The following RALGAPA1 variants were observed in gnomAD, a reference collection of about 807,000 sequenced individuals.
The protein encoded by RALGAPA1 is Ral GTPase activating protein catalytic subunit alpha 1, also known as ral GTPase-activating protein subunit alpha-1.
A neutral mutation model predicts 269.6 loss-of-function variants in RALGAPA1; 52 were observed. The observed-to-expected ratio is 0.19, with a 90% CI of 0.15 to 0.24. RALGAPA1 has a LOEUF of 0.24. Ranked by LOEUF, RALGAPA1 falls within the 10% of genes least tolerant of loss-of-function variation. RALGAPA1 has a pLI of 1.00. For synonymous variants in RALGAPA1, 817 were observed against 1,008.3 expected, an observed-to-expected ratio of 0.81 and a Z score of 3.60; for missense variants, 1,917 against 3,013.9, an observed-to-expected ratio of 0.64 and a Z score of 8.52.
intron 1 of RALGAPA1, among the ~76,000 whole-genome samples, chr14:35,797,046 C>T (rs1210760080): frequency 2.0e-5 from 3 of 152,150 alleles, no homozygotes; most frequent in African/African-American, 4.8e-5. Context: ...CTCAGCCTCC[C>T]GAAAGTATCT....
chr14:35,627,515 T>C lies in RALGAPA1; in HGVS notation c.6432A>G (p.Pro2144=). 1.2e-6 allele frequency: 2 copies of C among 1,601,740 alleles called. No homozygotes were observed. Among genetic ancestry groups the C allele is most frequent in the Non-Finnish European group, 1.7e-6 (2 of 1,175,662 alleles). The part of the protein sequence containing the change: ...FMLSLSHQEK[P]EEPPTSNECL... ...ATTCATTAGATGTCGGAGGCTCTTC[T>C]GGCTTCTCTTGGTGAGACAATGAAA... Residue 2144 remains proline, a synonymous_variant, in exon 34 of 42, where the codon CCA becomes CCG. Coordinates refer to ENST00000680220, the MANE Select transcript of RALGAPA1 (RefSeq NM_001346249.2).
intron 1 of RALGAPA1, among the ~76,000 whole-genome samples, chr14:35,801,438 T>C (rs1400805429): frequency 6.6e-6 from 1 of 152,100 alleles, no homozygotes; most frequent in Non-Finnish European, 1.5e-5. Context: ...CCAGCTACTT[T>C]TGTATTTTTA....
chr14:35,662,855 T>C (rs555458023), intron 27 of RALGAPA1, among the ~76,000 whole-genome samples: 16 of 151,818 alleles, frequency 1.1e-4, no homozygotes, highest in African/African-American at 2.4e-4. Flanking sequence ...TCAATTTATA[T>C]AGTTTTTTGT....
At chr14:35,778,684 T>C (rs2075226555) in intron 1 of RALGAPA1, among the ~76,000 whole-genome samples, 2 of 152,238 alleles carry the variant, frequency 1.3e-5, no homozygotes, top group African/African-American at 4.8e-5. Context: ...ATTTTTACCT[T>C]GGAAAAGACT....
intron 36 of RALGAPA1, among the ~76,000 whole-genome samples, chr14:35,596,316 A>C (rs2058928896): frequency 6.6e-6 from 1 of 152,046 alleles, no homozygotes; most frequent in South Asian, 2.1e-4. Context: ...ATTTTAAACA[A>C]TTTTTATTTT....
chr14:35,805,937 C>T (rs968473965), intron 1 of RALGAPA1, among the ~76,000 whole-genome samples: 4 of 152,094 alleles, frequency 2.6e-5, no homozygotes, highest in African/African-American at 9.7e-5. Flanking sequence ...ATCCGCCCAC[C>T]TCGGCCTCCC....
rs550402205 is a variant in RALGAPA1 at position 35,695,630 on chromosome 14, C to A, written c.2407+4532G>T. Among the ~76,000 whole-genome samples, 8 of 152,194 alleles carry A rather than the reference C, an allele frequency of 5.3e-5. No individual in the cohort carries two copies. The South Asian group carries it at 1.7e-3, about 32-fold the overall frequency. On this transcript the variant is annotated intron_variant, in intron 17 of 41. Coordinates refer to ENST00000680220, the MANE Select transcript of RALGAPA1 (RefSeq NM_001346249.2). ...GGTTGAAAGAAACTGGGTCTGTAAG[C>A]TTAATTTCAGGATGAGAAACTCATA... is the stretch of plus-strand genomic sequence containing the variant.
intron 12 of RALGAPA1, among the ~76,000 whole-genome samples, chr14:35,730,971 A>C (rs1009587735): frequency 6.6e-6 from 1 of 152,230 alleles, no homozygotes; most frequent in African/African-American, 2.4e-5. Context: ...AAGAAACCTC[A>C]CAGACTTCAT....
intron 39 of RALGAPA1, among the ~76,000 whole-genome samples, chr14:35,550,545 A>G (rs2054898800): frequency 6.6e-6 from 1 of 152,170 alleles, no homozygotes; most frequent in South Asian, 2.1e-4. Flanking sequence ...ATAATTTTAA[A>G]TAATTCAATG....
At chr14:35,749,370 A>G (rs1254573636) in intron 9 of RALGAPA1, among the ~76,000 whole-genome samples, 1 of 152,190 alleles carries the variant, frequency 6.6e-6, no homozygotes, top group Admixed American at 6.5e-5. Flanking sequence ...AAATTCTATA[A>G]TTCTAATAAT....
intron 1 of RALGAPA1, among the ~76,000 whole-genome samples, chr14:35,802,170 C>A (rs1054522845): frequency 2.0e-5 from 3 of 151,970 alleles, no homozygotes; most frequent in Admixed American, 6.6e-5. Context: ...CAGCCAGGCT[C>A]AGTGGTGTGT....
At chr14:35,568,052 A>G (rs1283095458) in intron 39 of RALGAPA1, among the ~76,000 whole-genome samples, 1 of 152,188 alleles carries the variant, frequency 6.6e-6, no homozygotes, top group East Asian at 1.9e-4. Flanking sequence ...TATGGGTAAT[A>G]ACCTGTATAT....
In RALGAPA1 at chr14:35,631,786, A is replaced by T. The variant is rs1252831260; in HGVS notation, c.5995+2788T>A. 2.0e-5 allele frequency among the ~76,000 whole-genome samples: 3 copies of T among 152,338 alleles called. No individual in the cohort carries two copies. In the East Asian group the frequency reaches 5.8e-4, roughly 29 times the overall value. ...TAAAAACTTTTACATACAAAACTGG[A>T]TATAACAGAAACAATAAAAAATCAT... On this transcript the variant is annotated intron_variant, in intron 33 of 41. Coordinates refer to ENST00000680220, the MANE Select transcript of RALGAPA1 (RefSeq NM_001346249.2).
intron 36 of RALGAPA1, among the ~76,000 whole-genome samples, chr14:35,602,473 A>G (rs2059350412): frequency 6.6e-6 from 1 of 152,204 alleles, no homozygotes; most frequent in Admixed American, 6.5e-5. Flanking sequence ...CCTAGCCAAC[A>G]GTTGTTATTA....
At chr14:35,665,227 A>G (rs1249122374) in intron 26 of RALGAPA1, among the ~76,000 whole-genome samples, 2 of 152,208 alleles carry the variant, frequency 1.3e-5, no homozygotes, top group East Asian at 3.8e-4. Context: ...TTATGATATT[A>G]TGCACATAAG....
intron 1 of RALGAPA1, among the ~76,000 whole-genome samples, chr14:35,808,477 T>C (rs1055109433): frequency 1.3e-5 from 2 of 152,240 alleles, no homozygotes; most frequent in South Asian, 2.1e-4. Context: ...TCTAAGTTTT[T>C]AGAGTAATAC....
chr14:35,579,564 C>T (rs920684316), intron 37 of RALGAPA1, among the ~76,000 whole-genome samples: 27 of 147,712 alleles, frequency 1.8e-4, no homozygotes, highest in South Asian at 8.6e-4. Flanking sequence ...AAAGAGATCG[C>T]GCCATTGCAC....
At chr14:35,604,355 T>C (rs1042691979) in intron 36 of RALGAPA1, among the ~76,000 whole-genome samples, 5 of 152,028 alleles carry the variant, frequency 3.3e-5, no homozygotes, top group African/African-American at 9.7e-5. Flanking sequence ...GGTATAGAAT[T>C]AGGTATCAAT....
At chr14:35,620,820 T>G (rs908237053) in intron 35 of RALGAPA1, among the ~76,000 whole-genome samples, 1 of 152,078 alleles carries the variant, frequency 6.6e-6, no homozygotes, top group Non-Finnish European at 1.5e-5. Flanking sequence ...TGTGAAGTTC[T>G]CGTCAAGGAG....
Sources: gnomAD v4.1 joint callset for allele counts (sites outside exome capture counted in the v4.1 genomes callset) on GRCh38, gnomAD v4.1.1 for gene constraint, MANE v1.5 for transcripts, NCBI Gene and HGNC (gene_info 2026-07-23, HGNC 2026-07-21) for gene names.